Variants in BAZ2B observed in about 807,000 individuals in gnomAD.
The protein encoded by BAZ2B is bromodomain adjacent to zinc finger domain 2B.
BAZ2B carries 91 observed loss-of-function variants against 246.0 expected under a neutral mutation model. The ratio of observed to expected loss-of-function variants is 0.37; its 90% CI spans 0.31 to 0.44. BAZ2B has a LOEUF of 0.44. BAZ2B is among the 20% of genes least tolerant of loss of function. The probability of loss-of-function intolerance (pLI) is 1.00; values close to 1 mark genes in which losing one functional copy is unlikely to be tolerated. For missense variants in BAZ2B, 2,332 were observed against 2,533.7 expected, an observed-to-expected ratio of 0.92 and a Z score of 1.71; for synonymous variants, 855 against 860.0, an observed-to-expected ratio of 0.99 and a Z score of 0.10.
chr2:159,659,809 G>A, the BAZ2B span, among the ~76,000 whole-genome samples: 4 of 152,284 alleles, frequency 2.6e-5, no homozygotes, highest in African/African-American at 4.8e-5. Flanking sequence ...GGGCACAGAA[G>A]TTGTTGTTTC....
intron 31 of BAZ2B, among the ~76,000 whole-genome samples, chr2:159,342,245 C>T (rs528816570): frequency 6.6e-6 from 1 of 152,170 alleles, no homozygotes; most frequent in Admixed American, 6.5e-5. Context: ...GCCATACTGC[C>T]CAAAGCAATT....
At chr2:159,689,709 G>T in the BAZ2B span, 1 of 406,834 alleles carries the variant, frequency 2.5e-6, no homozygotes, top group South Asian at 2.5e-5. Context: ...TCATGGAGAC[G>T]ATAAATAGAT....
chr2:159,549,669 C>T (rs1251036076), intron 2 of BAZ2B, among the ~76,000 whole-genome samples: 1 of 151,824 alleles, frequency 6.6e-6, no homozygotes, highest in Non-Finnish European at 1.5e-5. Flanking sequence ...TGTTAGGATG[C>T]ACTGATAGCT....
the BAZ2B span, among the ~76,000 whole-genome samples, chr2:159,682,415 G>A: frequency 6.6e-6 from 1 of 152,048 alleles, no homozygotes; most frequent in Non-Finnish European, 1.5e-5. Flanking sequence ...CCAGGCTCAA[G>A]TGATCTTCCT....
intron 27 of BAZ2B, among the ~76,000 whole-genome samples, chr2:159,365,810 T>C (rs2060157514): frequency 6.6e-6 from 1 of 152,318 alleles, no homozygotes; most frequent in South Asian, 2.1e-4. Flanking sequence ...TTAAAGATAA[T>C]GATGGACTGT....
intron 13 of BAZ2B, 70 bp downstream of exon 13, chr2:159,427,871 G>A (rs1304004776): frequency 4.0e-6 from 5 of 1,254,070 alleles, no homozygotes; most frequent in Non-Finnish European, 5.8e-6. Context: ...AGAGTGTAGT[G>A]AAATTTACTT....
the BAZ2B span, among the ~76,000 whole-genome samples, chr2:159,678,027 T>C: frequency 6.6e-6 from 1 of 152,196 alleles, no homozygotes; most frequent in Non-Finnish European, 1.5e-5. Context: ...TGAGAAATAC[T>C]ATTATGTTAC....
intron 36 of BAZ2B, among the ~76,000 whole-genome samples, chr2:159,322,316 T>G (rs1156717469): frequency 6.6e-6 from 1 of 152,194 alleles, no homozygotes; most frequent in Non-Finnish European, 1.5e-5. Context: ...GACAGTTCAG[T>G]GGCATTTAAG....
the BAZ2B span, among the ~76,000 whole-genome samples, chr2:159,672,291 G>A: frequency 2.0e-5 from 3 of 152,064 alleles, no homozygotes; most frequent in Admixed American, 6.6e-5. Context: ...ATGTACTTAA[G>A]GATTTTATTT....
At chr2:159,503,784 T>C (rs2082066628) in intron 2 of BAZ2B, among the ~76,000 whole-genome samples, 1 of 152,088 alleles carries the variant, frequency 6.6e-6, no homozygotes, top group Non-Finnish European at 1.5e-5. Context: ...TTTCACCACT[T>C]TGGCCAGGCT....
chr2:159,473,836 A>G (rs2150842834), intron 3 of BAZ2B, among the ~76,000 whole-genome samples: 1 of 152,292 alleles, frequency 6.6e-6, no homozygotes, highest in East Asian at 1.9e-4. Flanking sequence ...GTCATTCAGG[A>G]CCAGGTTATT....
chr2:159,703,518 G>C, the BAZ2B span, among the ~76,000 whole-genome samples: 1 of 152,006 alleles, frequency 6.6e-6, no homozygotes, highest in East Asian at 1.9e-4. Flanking sequence ...TCCCACAAAT[G>C]TAGTCAAAAT....
intron 27 of BAZ2B, among the ~76,000 whole-genome samples, chr2:159,372,274 G>A (rs1223477534): frequency 6.6e-6 from 1 of 152,136 alleles, no homozygotes; most frequent in Non-Finnish European, 1.5e-5. Context: ...AAGTGTTAAT[G>A]TTAGTGCTTA....
At chr2:159,638,042 T>C in the BAZ2B span, among the ~76,000 whole-genome samples, 2 of 152,172 alleles carry the variant, frequency 1.3e-5, no homozygotes, top group African/African-American at 2.4e-5. Flanking sequence ...GGTGCTTGCA[T>C]CACCATACCC....
chr2:159,709,529 C>T, the BAZ2B span, among the ~76,000 whole-genome samples: 1 of 152,208 alleles, frequency 6.6e-6, no homozygotes, highest in Non-Finnish European at 1.5e-5. Flanking sequence ...GATCATTACA[C>T]ATTCTATGTA....
At chr2:159,495,261 G>A (rs868220730) in intron 2 of BAZ2B, among the ~76,000 whole-genome samples, 5 of 151,358 alleles carry the variant, frequency 3.3e-5, no homozygotes, top group Admixed American at 1.3e-4. Context: ...CGAGGCGGGC[G>A]GATCACGAGG....
intron 2 of BAZ2B, among the ~76,000 whole-genome samples, chr2:159,483,691 G>T (rs943538757): frequency 5.3e-5 from 8 of 152,110 alleles, no homozygotes; most frequent in African/African-American, 1.9e-4. Context: ...TGAGGCAGGA[G>T]AATTGCTGGA....
chr2:159,379,652 C>T (rs2061775349), intron 25 of BAZ2B, among the ~76,000 whole-genome samples: 1 of 152,084 alleles, frequency 6.6e-6, no homozygotes, highest in South Asian at 2.1e-4. Context: ...ATAAATTCTA[C>T]ATTGATTCAT....
At chr2:159,578,249 C>A (rs1386037084) in intron 1 of BAZ2B, among the ~76,000 whole-genome samples, 1 of 152,044 alleles carries the variant, frequency 6.6e-6, no homozygotes, top group Non-Finnish European at 1.5e-5. Context: ...ATAAGTAAAA[C>A]AAGAAGATTG....
Sources: gnomAD v4.1 joint callset for allele counts (sites outside exome capture counted in the v4.1 genomes callset) on GRCh38, gnomAD v4.1.1 for gene constraint, MANE v1.5 for transcripts, NCBI Gene and HGNC (gene_info 2026-07-23, HGNC 2026-07-21) for gene names.